CCSER1: variants seen among roughly 807,000 people sequenced by gnomAD.
CCSER1 encodes the protein coiled-coil serine rich protein 1, also known as serine-rich coiled-coil domain-containing protein 1.
In CCSER1, 41 loss-of-function variants were observed where a neutral mutation model predicts 82.0. That is an observed-to-expected ratio of 0.50 (90% CI 0.39 to 0.65). The LOEUF (loss-of-function observed/expected upper bound fraction) is 0.65. Among genes scored for constraint, CCSER1 ranks in the 30% least tolerant of loss-of-function variants. The probability of loss-of-function intolerance (pLI) is 0.00; values close to 1 mark genes in which losing one functional copy is unlikely to be tolerated. For synonymous variants in CCSER1, 414 were observed against 383.9 expected (o/e 1.08, Z -0.92); for missense variants, 1,119 against 1,064.2 (o/e 1.05, Z -0.72).
chr4:91,523,806 C>A (rs2138583), intron 10 of CCSER1, among the ~76,000 whole-genome samples: 97,620 of 151,836 alleles, frequency 0.64, 31,547 homozygotes, highest in East Asian at 0.72. Context: ...CAATTTTGTT[C>A]ATCTTTACAA....
intron 10 of CCSER1, among the ~76,000 whole-genome samples, chr4:91,091,941 C>T (rs1018159285): frequency 5.9e-5 from 9 of 152,290 alleles, no homozygotes; most frequent in South Asian, 2.1e-4. Flanking sequence ...CTGTAACTGT[C>T]TCTGCAATTC....
chr4:90,893,127 T>C (rs1723192432), intron 8 of CCSER1, among the ~76,000 whole-genome samples: 1 of 152,160 alleles, frequency 6.6e-6, no homozygotes, highest in Admixed American at 6.6e-5. Flanking sequence ...CCATAGTCAC[T>C]GTCAGTCTAG....
intron 5 of CCSER1, among the ~76,000 whole-genome samples, chr4:90,529,168 T>G (rs1051706699): frequency 6.6e-6 from 1 of 152,180 alleles, no homozygotes; most frequent in African/African-American, 2.4e-5. Context: ...ATATACACGT[T>G]GTGTTTCTAG....
At chr4:91,578,316 ATATAC>A (rs1763548750) in intron 10 of CCSER1, among the ~76,000 whole-genome samples, 2 of 152,020 alleles carry the variant, frequency 1.3e-5, no homozygotes, top group Admixed American at 6.6e-5. Context: ...AGTTTCTAAC[ATATAC>A]TATTCTTTTC....
chr4:90,626,171 G>A (rs565908907), intron 5 of CCSER1, among the ~76,000 whole-genome samples: 8 of 152,216 alleles, frequency 5.3e-5, no homozygotes, highest in African/African-American at 1.7e-4. Flanking sequence ...AGTTGTATGC[G>A]TCGATGATTA....
At chr4:90,481,128 C>T (rs1765885181) in intron 5 of CCSER1, among the ~76,000 whole-genome samples, 1 of 152,068 alleles carries the variant, frequency 6.6e-6, no homozygotes, top group Non-Finnish European at 1.5e-5. Flanking sequence ...GTATTTTATT[C>T]TCATTGAAGC....
Position 91,558,952 on chromosome 4 carries a change from G to C in CCSER1, c.2218-39620G>C, listed in dbSNP as rs987837389. Among the ~76,000 whole-genome samples the C allele has an allele frequency of 3.3e-5, 5 of 151,442 alleles. No individual in the cohort carries two copies. The South Asian group carries it at 1.0e-3, about 31-fold the overall frequency. On this transcript the variant is annotated intron_variant, in intron 10 of 10. Coordinates refer to ENST00000509176, the MANE Select transcript of CCSER1 (RefSeq NM_001145065.2). ...TTTTGGTAATTTCTCATCAGCTATG[G>C]GGAGATTCTTGTTGATTTCAAATTA...
rs577960850 is a variant in CCSER1, at chr4:90,454,547, C to G, written c.1604-13687C>G. Among the ~76,000 whole-genome samples, 39 of 152,206 alleles carry G rather than the reference C, an allele frequency of 2.6e-4. 2 individuals are homozygous for G. The South Asian group carries it at 6.0e-3, about 23-fold the overall frequency. On this transcript the variant is annotated intron_variant, in intron 4 of 10. Coordinates refer to ENST00000509176, the MANE Select transcript of CCSER1 (RefSeq NM_001145065.2). ...GCTTAGTTCTAGTCCTTCATAAGCCCTCCAGTATGCACACCTGAGAGTGTT... is the reference window on the plus strand; with the variant it reads ...GCTTAGTTCTAGTCCTTCATAAGCCGTCCAGTATGCACACCTGAGAGTGTT...
intron 9 of CCSER1, among the ~76,000 whole-genome samples, chr4:90,928,746 T>A (rs1409900715): frequency 6.6e-6 from 1 of 152,122 alleles, no homozygotes; most frequent in Non-Finnish European, 1.5e-5. Context: ...TCCTTTGTGA[T>A]GTGCTTCTTG....
chr4:90,365,481 A>G (rs1457182433), intron 3 of CCSER1, among the ~76,000 whole-genome samples: 1 of 151,876 alleles, frequency 6.6e-6, no homozygotes, highest in Non-Finnish European at 1.5e-5. Flanking sequence ...TCATAATTTA[A>G]GGAATTCGTG....
chr4:91,301,405 T>G (rs1186191890), intron 10 of CCSER1, among the ~76,000 whole-genome samples: 1 of 151,756 alleles, frequency 6.6e-6, no homozygotes, highest in African/African-American at 2.4e-5. Context: ...CTGTCATATA[T>G]TCCAAGTGGA....
intron 10 of CCSER1, among the ~76,000 whole-genome samples, chr4:91,121,902 T>G (rs1239556693): frequency 6.6e-6 from 1 of 151,594 alleles, no homozygotes; most frequent in Non-Finnish European, 1.5e-5. Context: ...ATAAATTATC[T>G]ATGGATGTCA....
chr4:91,485,772 A>G (rs1477055064), intron 10 of CCSER1, among the ~76,000 whole-genome samples: 1 of 152,156 alleles, frequency 6.6e-6, no homozygotes, highest in Non-Finnish European at 1.5e-5. Flanking sequence ...ACTTCTTCAT[A>G]TACTTGGATT....
intron 9 of CCSER1, among the ~76,000 whole-genome samples, chr4:90,952,108 A>G (rs955085857): frequency 6.6e-6 from 1 of 152,172 alleles, no homozygotes; most frequent in African/African-American, 2.4e-5. Flanking sequence ...ATACATGCAT[A>G]CATCAACAGA....
chr4:91,520,814 A>G (rs144016355), intron 10 of CCSER1, among the ~76,000 whole-genome samples: 146 of 152,210 alleles, frequency 9.6e-4, no homozygotes, highest in African/African-American at 3.1e-3. Context: ...CCTGTGTAAC[A>G]ATTTTATGAA....
At chr4:90,983,496 A>C (rs967547712) in intron 9 of CCSER1, among the ~76,000 whole-genome samples, 9 of 151,456 alleles carry the variant, frequency 5.9e-5, no homozygotes, top group African/African-American at 1.9e-4. Flanking sequence ...TCTTTCGTGG[A>C]CTCTCTCCAG....
intron 6 of CCSER1, among the ~76,000 whole-genome samples, chr4:90,670,018 T>G (rs1313123762): frequency 6.6e-6 from 1 of 152,126 alleles, no homozygotes; most frequent in Non-Finnish European, 1.5e-5. Context: ...AGAAAAATCA[T>G]TCATGAATGA....
intron 8 of CCSER1, among the ~76,000 whole-genome samples, chr4:90,867,201 A>G (rs1027871211): frequency 6.6e-6 from 1 of 152,064 alleles, no homozygotes; most frequent in African/African-American, 2.4e-5. Context: ...CAGGCTCTTC[A>G]TAACCAAGCC....
At chr4:91,342,285 C>T (rs1403112980) in intron 10 of CCSER1, among the ~76,000 whole-genome samples, 1 of 152,102 alleles carries the variant, frequency 6.6e-6, no homozygotes, top group Non-Finnish European at 1.5e-5. Context: ...GAATTCAAAC[C>T]CAGATAGCCT....
Sources: gnomAD v4.1 joint callset for allele counts (sites outside exome capture counted in the v4.1 genomes callset) on GRCh38, gnomAD v4.1.1 for gene constraint, MANE v1.5 for transcripts, NCBI Gene and HGNC (gene_info 2026-07-23, HGNC 2026-07-21) for gene names.